Variants in PCBP3 observed in about 807,000 individuals in gnomAD.
PCBP3 encodes poly(rC) binding protein 3.
PCBP3 carries 25 observed loss-of-function variants against 52.7 expected under a neutral mutation model. The ratio of observed to expected loss-of-function variants is 0.47; its 90% confidence interval spans 0.35 to 0.66. The LOEUF is 0.66. PCBP3 is among the 30% of genes least tolerant of loss of function. The pLI is 0.01. For missense variants in PCBP3, 391 were observed against 490.3 expected (o/e 0.80, Z 1.91); for synonymous variants, 162 against 183.0 (o/e 0.89, Z 0.93).
rs440207 is a variant in PCBP3, at chr21:45,914,500, C to T, written c.675+475C>T. ...CACTGAGGAAGGATGCATGGCCCGA[C>T]GACCGGGCGTCTGTGCCGCTGTGTC... is the stretch of plus-strand genomic sequence containing the variant. On this transcript the variant is annotated intron_variant, in intron 12 of 17. Coordinates refer to ENST00000681687, the MANE Select transcript of PCBP3 (RefSeq NM_001384156.1). 97,612 of 216,964 alleles carry T rather than the reference C, an allele frequency of 0.45. 24,459 individuals are homozygous for T. Among genetic ancestry groups the T allele is most frequent in the African/African-American group, 0.73 (31,966 of 43,882 alleles). The allele number at this position is 216,964 out of a possible 1,614,324, so 13.4% of individuals were successfully genotyped here. A position where few individuals can be genotyped will look rare whatever the true frequency, so the allele number is the denominator to read the frequency against.
At chr21:45,810,218 CTGTGTG>C (rs149677854) in intron 4 of PCBP3, among the ~76,000 whole-genome samples, 2 of 148,066 alleles carry the variant, frequency 1.4e-5, no homozygotes, top group South Asian at 2.2e-4. Context: ...TGATTCGATT[CTGTGTG>C]TGTGTGTGTG....
At chr21:45,647,354 G>A (rs1011166329) in intron 1 of PCBP3, among the ~76,000 whole-genome samples, 2 of 152,208 alleles carry the variant, frequency 1.3e-5, no homozygotes, top group African/African-American at 4.8e-5. Context: ...ATGAGGGAAT[G>A]AGACAGAGTT....
intron 5 of PCBP3, among the ~76,000 whole-genome samples, chr21:45,890,573 T>C (rs60439800): frequency 3.8e-5 from 5 of 129,900 alleles, no homozygotes; most frequent in African/African-American, 1.6e-4. Flanking sequence ...ATGTAGATAA[T>C]AGAACCTGGA....
Position 45,896,256 on chromosome 21 carries a change from C to G in PCBP3, c.59C>G (p.Thr20Ser). The G allele has an allele frequency of 6.4e-7, 1 of 1,552,232 alleles. No individual in the cohort carries two copies. Among genetic ancestry groups the G allele is most frequent in the South Asian group, 1.2e-5 (1 of 84,064 alleles). ...GTCCTTCCTCACAGCACCCTCAGCA[C>G]CTTAAGCCACCACCCTCAGCCACAA... ...PSVLPHSTLS[T>S]LSHHPQPQFG... is the part of the protein sequence containing the mutation. The change falls in exon 6 of 18, where the codon ACC becomes AGC. Residue 20 changes from threonine (T) to serine (S), a missense_variant. Thr to Ser is a moderately conservative substitution (Grantham distance 58). Coordinates refer to ENST00000681687, the MANE Select transcript of PCBP3 (RefSeq NM_001384156.1).
At chr21:45,787,631 C>T (rs1404392954) in intron 4 of PCBP3, among the ~76,000 whole-genome samples, 1 of 152,144 alleles carries the variant, frequency 6.6e-6, no homozygotes, top group Non-Finnish European at 1.5e-5. Context: ...AAAGCGAGTC[C>T]CCCTGCTTGG....
chr21:45,726,277 C>T (rs1044502612), intron 2 of PCBP3, among the ~76,000 whole-genome samples: 26 of 152,022 alleles, frequency 1.7e-4, no homozygotes, highest in African/African-American at 6.0e-4. Context: ...TATGGGAGTT[C>T]ATGGGGGAGA....
chr21:45,778,946 T>G (rs2090444580), intron 4 of PCBP3, among the ~76,000 whole-genome samples: 1 of 152,102 alleles, frequency 6.6e-6, no homozygotes, highest in Non-Finnish European at 1.5e-5. Flanking sequence ...CCTGGGTTGA[T>G]GGATAGGGAA....
chr21:45,902,477 C>T lies in PCBP3; in HGVS notation c.339+1364C>T, dbSNP rs149242194. Among the ~76,000 whole-genome samples the T allele has an allele frequency of 4.7e-3, 715 of 152,334 alleles. 5 individuals are homozygous for T. The highest frequency in any genetic ancestry group is 0.016 in the African/African-American group (659 of 41,574). On this transcript the variant is annotated intron_variant, in intron 9 of 17. Coordinates refer to ENST00000681687, the MANE Select transcript of PCBP3 (RefSeq NM_001384156.1). ...ACGCCGCTTGGGGATGGTTTAGTTGCCTTTTTGGTCAGCTGTGCTGCAGGG... is the reference window on the plus strand; with the variant it reads ...ACGCCGCTTGGGGATGGTTTAGTTGTCTTTTTGGTCAGCTGTGCTGCAGGG...
intron 13 of PCBP3, among the ~76,000 whole-genome samples, chr21:45,922,390 C>CA (rs1278496053): frequency 1.3e-5 from 2 of 151,952 alleles, no homozygotes; most frequent in Admixed American, 1.3e-4. Context: ...CCCATTTCTA[C>CA]AAAAAAATAC....
chr21:45,767,783 G>A (rs893627954), intron 4 of PCBP3, among the ~76,000 whole-genome samples: 1 of 152,218 alleles, frequency 6.6e-6, no homozygotes, highest in African/African-American at 2.4e-5. Flanking sequence ...CTCCTGCTCC[G>A]GTGCTCATGT....
intron 4 of PCBP3, chr21:45,848,472 C>T (rs1349190441): frequency 6.6e-6 from 1 of 152,186 alleles, no homozygotes; most frequent in Non-Finnish European, 1.5e-5. Context: ...TGCTGAGGAG[C>T]TTTCATTTGA....
chr21:45,893,590 A>G (rs4818809), intron 5 of PCBP3, among the ~76,000 whole-genome samples: 83 of 48,472 alleles, frequency 1.7e-3, no homozygotes, highest in African/African-American at 5.1e-3. Flanking sequence ...GAGGCAGGTG[A>G]GGGCCCCGGG....
At chr21:45,907,351 G>T (rs2096237056) in intron 9 of PCBP3, among the ~76,000 whole-genome samples, 1 of 152,172 alleles carries the variant, frequency 6.6e-6, no homozygotes, top group Non-Finnish European at 1.5e-5. Context: ...TTCGAGTGGG[G>T]TTTCACTCCA....
At chr21:45,932,299 A>G (rs2076323926) in intron 15 of PCBP3, among the ~76,000 whole-genome samples, 1 of 140,770 alleles carries the variant, frequency 7.1e-6, no homozygotes, top group Admixed American at 7.1e-5. Context: ...GAATAAACAC[A>G]TCAGCCAAGC....
At chr21:45,694,053 C>T (rs1015843882) in intron 2 of PCBP3, among the ~76,000 whole-genome samples, 1 of 151,570 alleles carries the variant, frequency 6.6e-6, no homozygotes, top group Non-Finnish European at 1.5e-5. Context: ...TAGATAACTA[C>T]GAAAATGATA....
chr21:45,709,553 CT>C (rs113566972), intron 2 of PCBP3, among the ~76,000 whole-genome samples: 4,041 of 149,540 alleles, frequency 0.027, 185 homozygotes, highest in African/African-American at 0.091. Flanking sequence ...AGACGGGGAC[CT>C]TTTTTTTTTC....
chr21:45,715,383 A>C (rs2148223991), intron 2 of PCBP3, among the ~76,000 whole-genome samples: 1 of 152,328 alleles, frequency 6.6e-6, no homozygotes, highest in East Asian at 1.9e-4. Context: ...GCATACCATA[A>C]AATCTACCCA....
At chr21:45,823,478 G>A (rs936486697) in intron 4 of PCBP3, among the ~76,000 whole-genome samples, 1 of 152,146 alleles carries the variant, frequency 6.6e-6, no homozygotes, top group African/African-American at 2.4e-5. Flanking sequence ...ACTTTCCGCT[G>A]TGCAGATTCC....
chr21:45,692,218 C>G (rs2082525379), intron 2 of PCBP3, among the ~76,000 whole-genome samples: 1 of 151,918 alleles, frequency 6.6e-6, no homozygotes, highest in African/African-American at 2.4e-5. Flanking sequence ...AAACAGAGAC[C>G]TTAGGTTGTA....
Sources: allele counts gnomAD v4.1 joint callset (sites outside exome capture counted in the v4.1 genomes callset), GRCh38; gene constraint gnomAD v4.1.1; transcripts MANE v1.5; gene names NCBI Gene and HGNC (gene_info 2026-07-23, HGNC 2026-07-21).